Variants in DNAH3 observed in about 807,000 individuals in gnomAD.
DNAH3 encodes the protein axonemal beta dynein heavy chain 3.
In DNAH3, 332 loss-of-function variants were observed where a neutral mutation model predicts 432.5. The ratio of observed to expected loss-of-function variants is 0.77; its 90% CI spans 0.70 to 0.84. The LOEUF (loss-of-function observed/expected upper bound fraction) is 0.84, where lower values mean the gene tolerates loss of function less well. Among genes scored for constraint, DNAH3 ranks in the 40% least tolerant of loss-of-function variants. DNAH3 has a pLI of 0.00. For missense variants in DNAH3, 4,861 were observed against 5,114.0 expected (o/e 0.95, Z 1.51); for synonymous variants, 1,956 against 1,900.2 (o/e 1.03, Z -0.76).
Position 21,150,852 on chromosome 16 carries a change from T to G in DNAH3, c.118-4764A>C, listed in dbSNP as rs1040366537. The G allele has an allele frequency of 6.5e-6, 1 of 152,912 alleles. No homozygotes were observed. The highest frequency in any genetic ancestry group is 2.4e-5 in the African/African-American group (1 of 41,444). The allele number at this position is 152,912 out of a possible 1,614,324, so 9.5% of individuals were successfully genotyped here. A position where few individuals can be genotyped will look rare whatever the true frequency, so the allele number is the denominator to read the frequency against. Reference sequence around the variant, plus strand: ...ATGCAGGCGCTGGGCACAGTAACCATGTCTCAGCGTCTGTTGCTAAGGGAA... The same window carrying G: ...ATGCAGGCGCTGGGCACAGTAACCAGGTCTCAGCGTCTGTTGCTAAGGGAA... On this transcript the variant is annotated intron_variant, in intron 1 of 61. Coordinates refer to ENST00000261383, the Ensembl canonical transcript of DNAH3.
chr16:21,105,159 G>A (rs895110108), intron 15 of DNAH3, among the ~76,000 whole-genome samples: 2 of 152,080 alleles, frequency 1.3e-5, no homozygotes, highest in Non-Finnish European at 2.9e-5. Context: ...TCCAGGGGTC[G>A]AGGGCACAGC....
rs368087030 is a variant in DNAH3, at chr16:21,058,055, T to A, written c.3924+31A>T. ...TCAAATCCTAATTGATGCTTGGATC[T>A]CTTCTGTAACTTTGCAGCAAGTTCA... is the stretch of plus-strand genomic sequence containing the variant. On this transcript the variant is annotated intron_variant, in intron 27 of 61. Transcript: ENST00000261383. 2.4e-6 allele frequency: 3 copies of A among 1,229,570 alleles called. No homozygotes were observed. The South Asian group carries it at 3.6e-5, about 15-fold the overall frequency. The allele number at this position is 1,229,570 out of a possible 1,614,324, so 76.2% of individuals were successfully genotyped here. A position where few individuals can be genotyped will look rare whatever the true frequency, so the allele number is the denominator to read the frequency against.
chr16:21,095,616 T>C (rs889474304), intron 18 of DNAH3, among the ~76,000 whole-genome samples: 4 of 152,210 alleles, frequency 2.6e-5, no homozygotes, highest in African/African-American at 9.6e-5. Context: ...TTTCTGATTG[T>C]AGTGATGTTT....
At chr16:21,062,767 C>A (rs1412839594) in intron 24 of DNAH3, 84 bp from the exon 25 acceptor site, 2 of 1,046,324 alleles carry the variant, frequency 1.9e-6, no homozygotes, top group African/African-American at 1.6e-5. Context: ...ACAGGTAGTC[C>A]GCACCTACGT....
At chr16:21,076,555 G>A (rs1416027900) in intron 20 of DNAH3, among the ~76,000 whole-genome samples, 1 of 152,128 alleles carries the variant, frequency 6.6e-6, no homozygotes, top group Non-Finnish European at 1.5e-5. Context: ...ACGCTAAATG[G>A]CATGTAATCA....
At chr16:21,059,573 G>A (rs145370157) in intron 26 of DNAH3, among the ~76,000 whole-genome samples, 12,470 of 152,050 alleles carry the variant, frequency 0.082, 639 homozygotes, top group East Asian at 0.14. Flanking sequence ...TCAGGAGTTC[G>A]AGACCAGCCT....
At chr16:21,015,418 G>A (rs2087807844) in intron 41 of DNAH3, among the ~76,000 whole-genome samples, 1 of 152,140 alleles carries the variant, frequency 6.6e-6, no homozygotes, top group South Asian at 2.1e-4. Flanking sequence ...AGGATGAAGA[G>A]GTGGAGCACA....
At chr16:20,944,586 G>A (rs2083960486) in exon 58 of DNAH3, 2 of 1,614,020 alleles carry the variant, frequency 1.2e-6, no homozygotes, top group Admixed American at 1.7e-5. Context: ...TGTCTTTGGT[G>A]ATGTCTGCGT....
At chr16:21,057,096 G>A (rs959846657) in intron 27 of DNAH3, among the ~76,000 whole-genome samples, 36 of 152,234 alleles carry the variant, frequency 2.4e-4, no homozygotes, top group African/African-American at 8.4e-4. Flanking sequence ...ATGGAAGAAA[G>A]GCTGAGTATG....
chr16:21,120,828 G>A (rs866443373), exon 11 of DNAH3: 2 of 1,613,946 alleles, frequency 1.2e-6, no homozygotes, highest in African/African-American at 2.7e-5. Flanking sequence ...CAGCAGTGAA[G>A]GAGAACTTAA....
chr16:20,944,157 A>AG (rs2083937109), intron 58 of DNAH3, among the ~76,000 whole-genome samples: 2 of 144,506 alleles, frequency 1.4e-5, no homozygotes, highest in Non-Finnish European at 3.0e-5. Context: ...ATTAAAAAAA[A>AG]AAGAGAGTTA....
intron 23 of DNAH3, among the ~76,000 whole-genome samples, chr16:21,067,631 A>G (rs191169927): frequency 2.6e-3 from 402 of 151,832 alleles, no homozygotes; most frequent in Non-Finnish European, 4.5e-3. Context: ...GGGTACTAAA[A>G]CCAACCAAAC....
rs1485827983 is a variant in DNAH3 at position 20,935,334 on chromosome 16, C to G, written c.11997+14G>C. 1.9e-6 allele frequency: 3 copies of G among 1,613,860 alleles called. No individual in the cohort carries two copies. Among genetic ancestry groups the G allele is most frequent in the Non-Finnish European group, 2.5e-6 (3 of 1,179,960 alleles). ...GTCAGCCCCTTGAGTGAGCCTAACC[C>G]AAAGCACCCCTACCTCAAACTCAAA... On this transcript the variant is annotated intron_variant, in intron 61 of 61. Coordinates refer to ENST00000261383, the Ensembl canonical transcript of DNAH3.
chr16:21,007,975 T>A (rs2087398936), intron 41 of DNAH3, among the ~76,000 whole-genome samples: 1 of 152,228 alleles, frequency 6.6e-6, no homozygotes, highest in Non-Finnish European at 1.5e-5. Context: ...TATTTAATCA[T>A]CTTGGCACCA....
At chr16:21,055,218 G>A (rs548240832) in intron 27 of DNAH3, among the ~76,000 whole-genome samples, 7 of 152,242 alleles carry the variant, frequency 4.6e-5, no homozygotes, top group Middle Eastern at 3.4e-3. Context: ...ACCACACTCA[G>A]CTAATCTTTG....
intron 1 of DNAH3, among the ~76,000 whole-genome samples, chr16:21,154,714 T>G (rs576417898): frequency 1.1e-4 from 16 of 152,316 alleles, no homozygotes; most frequent in Admixed American, 6.5e-4. Context: ...GTCACACAGC[T>G]AGGTCATCAG....
chr16:20,982,189 C>T (rs1245143439), intron 49 of DNAH3, among the ~76,000 whole-genome samples: 1 of 151,668 alleles, frequency 6.6e-6, no homozygotes, highest in Non-Finnish European at 1.5e-5. Context: ...TTCGAGACCA[C>T]CCTGGCCAAC....
chr16:21,009,700 A>G (rs1281044727), intron 41 of DNAH3, among the ~76,000 whole-genome samples: 1 of 152,136 alleles, frequency 6.6e-6, no homozygotes, highest in Non-Finnish European at 1.5e-5. Flanking sequence ...GTAAATGGCA[A>G]AATCCTGTCT....
At chr16:20,963,503 G>A (rs1050992280) in exon 53 of DNAH3, 4 of 1,613,974 alleles carry the variant, frequency 2.5e-6, no homozygotes, top group Non-Finnish European at 3.4e-6. Context: ...CAAGACCCAG[G>A]GAGTTGCTCC....
Sources: allele counts gnomAD v4.1 joint callset (sites outside exome capture counted in the v4.1 genomes callset), GRCh38; gene constraint gnomAD v4.1.1; transcripts MANE v1.5; gene names NCBI Gene and HGNC (gene_info 2026-07-23, HGNC 2026-07-21).